The following ZDBF2 variants were observed in gnomAD, a reference collection of about 807,000 sequenced individuals.
The protein encoded by ZDBF2 is DBF4-type zinc finger-containing protein 2.
Under a neutral mutation model 9.4 loss-of-function variants are expected in ZDBF2, and 6 were observed. The observed-to-expected ratio is 0.64, with a 90% CI of 0.35 to 1.27. ZDBF2 has a LOEUF of 1.27. Ranked by LOEUF, ZDBF2 falls within the 50% of genes most tolerant of loss-of-function variation. The probability of loss-of-function intolerance (pLI) is 0.03; values close to 1 mark genes in which losing one functional copy is unlikely to be tolerated. For missense variants in ZDBF2, 2,697 were observed against 2,766.8 expected, an observed-to-expected ratio of 0.97 and a Z score of 0.57; for synonymous variants, 905 against 946.3, an observed-to-expected ratio of 0.96 and a Z score of 0.80.
chr2:206,286,221 G>A (rs969278977), intron 3 of ZDBF2, among the ~76,000 whole-genome samples: 1 of 152,092 alleles, frequency 6.6e-6, no homozygotes, highest in Non-Finnish European at 1.5e-5. Context: ...GGCCTATTTG[G>A]TCTAAAATGC....
chr2:206,311,942 A>C lies in ZDBF2; in HGVS notation c.*349A>C, dbSNP rs1471369007. The C allele has an allele frequency of 1.2e-5, 2 of 160,070 alleles. No individual in the cohort carries two copies. The highest frequency in any genetic ancestry group is 2.7e-5 in the Non-Finnish European group (2 of 73,616). 9.9% of individuals were successfully genotyped at this position (160,070 alleles called of 1,614,324 possible). A position where few individuals can be genotyped will look rare whatever the true frequency, so the allele number is the denominator to read the frequency against. ...TGCCAGCAAATTTAACATTGTGAGA[A>C]TGAATATAGCAAACTTATTAAAAAG... On this transcript the variant is annotated 3_prime_UTR_variant, in exon 5 of 5. Transcript: ENST00000374423.
At position 206,309,207 on chromosome 2, in the gene ZDBF2, T is replaced by G; in HGVS notation, c.4679T>G (p.Ile1560Ser). Residue 1560 changes from isoleucine (I) to serine (S), a missense_variant, in exon 5 of 5, where the codon ATC becomes AGC. Coordinates refer to ENST00000374423, the MANE Select transcript of ZDBF2 (RefSeq NM_020923.3). ...CCACCTCAGTTGACTGTCAAAGATA[T>G]CAGCTGTATAAATACAGAATGTATT... The part of the protein sequence containing the change: ...TDPPQLTVKD[I>S]SCINTECIDI... 5 of 1,607,224 alleles carry G rather than the reference T, an allele frequency of 3.1e-6. No individual in the cohort carries two copies. The highest frequency in any genetic ancestry group is 3.4e-6 in the Non-Finnish European group (4 of 1,176,240).
At chr2:206,275,722 G>A (rs1690961477) in intron 1 of ZDBF2, among the ~76,000 whole-genome samples, 1 of 152,136 alleles carries the variant, frequency 6.6e-6, no homozygotes, top group South Asian at 2.1e-4. Context: ...GAGGGGGAGG[G>A]ACGATGGAGG....
Position 206,311,327 on chromosome 2 carries a change from A to G in ZDBF2, c.6799A>G (p.Lys2267Glu). Residue 2267 changes from lysine (K) to glutamate (E), a missense_variant, in exon 5 of 5, where the codon AAA becomes GAA. This residue lies in a region of ZDBF2 where 1,783 missense variants were observed against 1,776.5 expected (regional missense o/e 1.00). Coordinates refer to ENST00000374423, the MANE Select transcript of ZDBF2 (RefSeq NM_020923.3). The part of the protein sequence containing the change: ...SRLKKAKRTA[K>E]VLLNSSVPPA... ...GCTAAAGAAGGCGAAGAGAACAGCT[A>G]AAGTGCTTTTGAACTCTTCAGTTCC... 6.2e-7 allele frequency: 1 copy of G among 1,604,794 alleles called. No homozygotes were observed. The highest frequency in any genetic ancestry group is 8.5e-7 in the Non-Finnish European group (1 of 1,175,000).
intron 3 of ZDBF2, among the ~76,000 whole-genome samples, chr2:206,295,932 A>C (rs924191092): frequency 1.3e-5 from 2 of 152,116 alleles, no homozygotes; most frequent in Non-Finnish European, 2.9e-5. Flanking sequence ...TTTTGTGTTT[A>C]AGTTGGGATT....
rs1277856366 is a variant in ZDBF2, at chr2:206,305,021, G to T, written c.493G>T (p.Val165Leu). The T allele has an allele frequency of 1.9e-6, 3 of 1,613,694 alleles. No individual in the cohort carries two copies. In the South Asian group the frequency reaches 3.3e-5, roughly 18 times the overall value. Residue 165 changes from valine to leucine, a missense_variant, in exon 5 of 5, where the codon GTA (valine) becomes TTA (leucine). Val to Leu is a conservative substitution (Grantham distance 32). This residue lies in a region of ZDBF2 where 910 missense variants were observed against 973.6 expected (regional missense o/e 0.93). Transcript: ENST00000374423. ...GGCCAGTGTGAGAAAATGTAACCTA[G>T]TAGATATTGGTCAGGCTACAAATAA... ...IGASVRKCNL[V>L]DIGQATNNRS...
chr2:206,309,580 C>T lies in ZDBF2; in HGVS notation c.5052C>T (p.His1684=). The change falls in exon 5 of 5, where the codon CAC becomes CAT. Residue 1684 remains histidine (H), a synonymous_variant. Transcript: ENST00000374423. ...HRTTHRLQKA[H]KEASLRKDPR... Reference sequence around the variant, plus strand: ...CGACTCACCGACTGCAGAAAGCTCACAAAGAAGCCAGTCTTCGGAAGGATC... The same window carrying T: ...CGACTCACCGACTGCAGAAAGCTCATAAAGAAGCCAGTCTTCGGAAGGATC... 1.2e-6 allele frequency: 2 copies of T among 1,613,892 alleles called. No individual in the cohort carries two copies. The highest frequency in any genetic ancestry group is 1.1e-5 in the South Asian group (1 of 91,070).
chr2:206,295,968 T>C (rs1383771315), intron 3 of ZDBF2, among the ~76,000 whole-genome samples: 1 of 152,172 alleles, frequency 6.6e-6, no homozygotes, highest in Non-Finnish European at 1.5e-5. Context: ...AAAATAAAGG[T>C]ACCTTTTTTG....
Position 206,311,509 on chromosome 2 carries a change from T to C in ZDBF2, c.6981T>C (p.Asp2327=). 6.3e-7 allele frequency: 1 copy of C among 1,580,450 alleles called. No homozygotes were observed. The highest frequency in any genetic ancestry group is 1.2e-5 in the South Asian group (1 of 85,162). The change falls in exon 5 of 5, where the codon GAT becomes GAC. Residue 2327 remains aspartate, a synonymous_variant. Coordinates refer to ENST00000374423, the MANE Select transcript of ZDBF2 (RefSeq NM_020923.3). ...KGPSTPVRAY[D]LRSSSCLQQR... ...CTTCTACACCTGTGAGAGCATATGA[T>C]CTGAGAAGCTCATCTTGTTTACAAC...
At position 206,305,027 on chromosome 2, in the gene ZDBF2, A is replaced by G. The variant is rs1692697774; in HGVS notation, c.499A>G (p.Ile167Val). The G allele has an allele frequency of 6.2e-7, 1 of 1,613,630 alleles. No individual in the cohort carries two copies. The highest frequency in any genetic ancestry group is 8.5e-7 in the Non-Finnish European group (1 of 1,179,800). Reference protein sequence around the residue: ...ASVRKCNLVDIGQATNNRSNL... With the variant: ...ASVRKCNLVDVGQATNNRSNL... ...TGTGAGAAAATGTAACCTAGTAGAT[A>G]TTGGTCAGGCTACAAATAATAGAAG... The change falls in exon 5 of 5, where the codon ATT (isoleucine) becomes GTT (valine). Residue 167 changes from isoleucine to valine, a missense_variant. Physicochemically the swap from Ile to Val is conservative, Grantham distance 29. Transcript: ENST00000374423.
rs528736229 is a variant in ZDBF2, at chr2:206,292,946, AT to A, written c.61-4291del. Among the ~76,000 whole-genome samples, 19 of 151,034 alleles carry A rather than the reference AT, an allele frequency of 1.3e-4. No individual in the cohort carries two copies. The East Asian group carries it at 1.4e-3, about 11-fold the overall frequency. On this transcript the variant is annotated intron_variant, in intron 3 of 4. Coordinates refer to ENST00000374423, the MANE Select transcript of ZDBF2 (RefSeq NM_020923.3). ...ATTTCAATCAAAATCTCAGAGAAGT[AT>A]TTTTTTTTAATGAAAAGCCAATTCC...
chr2:206,297,509 G>T, intron 4 of ZDBF2, 136 bp downstream of exon 4: 3 of 859,960 alleles, frequency 3.5e-6, no homozygotes, highest in Non-Finnish European at 3.4e-6. Flanking sequence ...ACTTTCATTT[G>T]CAATTTAAAA....
At position 206,309,237 on chromosome 2, in the gene ZDBF2, T is replaced by G. The variant is rs1250305744; in HGVS notation, c.4709T>G (p.Ile1570Arg). 2 of 1,607,672 alleles carry G rather than the reference T, an allele frequency of 1.2e-6. No individual in the cohort carries two copies. Among genetic ancestry groups the G allele is most frequent in the Non-Finnish European group, 1.7e-6 (2 of 1,176,576 alleles). ...TGTATAAATACAGAATGTATTGATA[T>G]AGAAGATAAGAGCTGTGACTTTTTT... ...ISCINTECID[I>R]EDKSCDFFGS... Residue 1570 changes from isoleucine to arginine, a missense_variant, in exon 5 of 5, where the codon ATA becomes AGA. Around this residue, in one of 3 missense-constraint regions of ZDBF2, gnomAD observed 1,783 missense variants for 1,776.5 expected, o/e 1.00. Coordinates refer to ENST00000374423, the MANE Select transcript of ZDBF2 (RefSeq NM_020923.3).
rs1254265727 is a variant in ZDBF2, at chr2:206,310,894, C to G, written c.6366C>G (p.Thr2122=). 6.2e-7 allele frequency: 1 copy of G among 1,613,762 alleles called. No individual in the cohort carries two copies. Among genetic ancestry groups the G allele is most frequent in the African/African-American group, 1.3e-5 (1 of 74,904 alleles). The change falls in exon 5 of 5, where the codon ACC becomes ACG. Residue 2122 remains threonine (T), a synonymous_variant. Transcript: ENST00000374423. The stretch of plus-strand genomic sequence containing the variant: ...ATGGATTTAATTCACATCAGGGAAC[C>G]AGTGACTCTTCTCTGTTTCTGGAAG... ...ARYGFNSHQG[T]SDSSLFLEES... is the part of the protein sequence containing the mutation.
At position 206,305,988 on chromosome 2, in the gene ZDBF2, A is replaced by G. The variant is rs377156770; in HGVS notation, c.1460A>G (p.Tyr487Cys). The G allele has an allele frequency of 6.2e-6, 10 of 1,613,338 alleles. No homozygotes were observed. The highest frequency in any genetic ancestry group is 8.5e-6 in the Non-Finnish European group (10 of 1,179,538). The change falls in exon 5 of 5, where the codon TAT (tyrosine) becomes TGT (cysteine). Residue 487 changes from tyrosine (Y) to cysteine (C), a missense_variant. Around this residue, in one of 3 missense-constraint regions of ZDBF2, gnomAD observed 910 missense variants for 973.6 expected, o/e 0.93. Coordinates refer to ENST00000374423, the MANE Select transcript of ZDBF2 (RefSeq NM_020923.3). ...ARHISLVDQS[Y>C]ESSSSETNFD... Reference sequence around the variant, plus strand: ...CATATTAGCCTGGTTGACCAAAGCTATGAATCTAGTAGTTCTGAAACGAAT... The same window carrying G: ...CATATTAGCCTGGTTGACCAAAGCTGTGAATCTAGTAGTTCTGAAACGAAT...
Position 206,307,439 on chromosome 2 carries a change from C to T in ZDBF2, c.2911C>T (p.Pro971Ser). ...CCCTCTTCAGGCAGCGACTCACAAA[C>T]CTGAAGTAATTGTCAAAGAAACATG... ...DVPLQAATHK[P>S]EVIVKETWLQ... Residue 971 changes from proline (P) to serine (S), a missense_variant, in exon 5 of 5, where the codon CCT (proline) becomes TCT (serine). Physicochemically the swap from Pro to Ser is moderately conservative, Grantham distance 74. Transcript: ENST00000374423. The T allele has an allele frequency of 6.2e-7, 1 of 1,611,980 alleles. No individual in the cohort carries two copies. The highest frequency in any genetic ancestry group is 8.5e-7 in the Non-Finnish European group (1 of 1,179,342).
rs1692893710 is a variant in ZDBF2 at position 206,307,761 on chromosome 2, C to G, written c.3233C>G (p.Ser1078Cys). 6.2e-7 allele frequency: 1 copy of G among 1,611,416 alleles called. No individual in the cohort carries two copies. The highest frequency in any genetic ancestry group is 8.5e-7 in the Non-Finnish European group (1 of 1,179,298). The stretch of plus-strand genomic sequence containing the variant: ...GACAAAAACAGTAAATCAGGTGATT[C>G]TAAAATAACTTTTGATTCTGAACAA... ...LKDKNSKSGD[S>C]KITFDSEQLQ... The change falls in exon 5 of 5, where the codon TCT becomes TGT. Residue 1078 changes from serine to cysteine, a missense_variant. By Grantham distance (112) the Ser-to-Cys change is moderately radical. This residue lies in a region of ZDBF2 where 1,783 missense variants were observed against 1,776.5 expected (regional missense o/e 1.00). Transcript: ENST00000374423.
rs757903870 is a variant in ZDBF2 at position 206,310,250 on chromosome 2, G to T, written c.5722G>T (p.Asp1908Tyr). 1 of 1,613,972 alleles carries T rather than the reference G, an allele frequency of 6.2e-7. No individual in the cohort carries two copies. The highest frequency in any genetic ancestry group is 8.5e-7 in the Non-Finnish European group (1 of 1,179,900). The change falls in exon 5 of 5, where the codon GAC becomes TAC. Residue 1908 changes from aspartate to tyrosine, a missense_variant. Asp to Tyr is a radical substitution (Grantham distance 160, BLOSUM62 -3). Coordinates refer to ENST00000374423, the MANE Select transcript of ZDBF2 (RefSeq NM_020923.3). ...DIVCGISDID[D>Y]LSVALDKPCH... ...TGTCTGTGGTATTTCAGATATTGATGACTTGTCAGTGGCCTTAGATAAACC... is the reference window on the plus strand; with the variant it reads ...TGTCTGTGGTATTTCAGATATTGATTACTTGTCAGTGGCCTTAGATAAACC...
chr2:206,308,643 A>G lies in ZDBF2; in HGVS notation c.4115A>G (p.Asp1372Gly), dbSNP rs747341384. 4.8e-5 allele frequency: 77 copies of G among 1,612,450 alleles called. No individual in the cohort carries two copies. In the Middle Eastern group the frequency reaches 1.3e-3, roughly 28 times the overall value. Residue 1372 changes from aspartate (D) to glycine (G), a missense_variant, in exon 5 of 5, where the codon GAC becomes GGC. This residue lies in a region of ZDBF2 where 1,783 missense variants were observed against 1,776.5 expected (regional missense o/e 1.00). Coordinates refer to ENST00000374423, the MANE Select transcript of ZDBF2 (RefSeq NM_020923.3). ...CCTGAAGAAAGTTCTGATTCCAATG[A>G]CTCTTTTCAGGCAGCAGCAGATGAG... is the stretch of plus-strand genomic sequence containing the variant. Reference protein sequence around the residue: ...YSPEESSDSNDSFQAAADELQ... With the variant: ...YSPEESSDSNGSFQAAADELQ...
Sources: gnomAD v4.1 joint callset for allele counts (sites outside exome capture counted in the v4.1 genomes callset) on GRCh38, gnomAD v4.1.1 for gene constraint, gnomAD v4.1.1 regional missense constraint, MANE v1.5 for transcripts, NCBI Gene and HGNC (gene_info 2026-07-23, HGNC 2026-07-21) for gene names.